The following ADD2 variants were observed in gnomAD, a reference collection of about 807,000 sequenced individuals.
The protein encoded by ADD2 is beta-adducin.
ADD2 carries 23 observed loss-of-function variants against 83.0 expected under a neutral mutation model. The observed-to-expected ratio is 0.28, with a 90% CI of 0.20 to 0.39. The LOEUF (loss-of-function observed/expected upper bound fraction) is 0.39, where lower values mean the gene tolerates loss of function less well. ADD2 is among the 10% of genes least tolerant of loss of function. The probability of loss-of-function intolerance (pLI) is 1.00; values close to 1 mark genes in which losing one functional copy is unlikely to be tolerated. For synonymous variants in ADD2, 375 were observed against 375.4 expected, an observed-to-expected ratio of 1.00 and a Z score of 0.01; for missense variants, 758 against 944.9, an observed-to-expected ratio of 0.80 and a Z score of 2.59.
At chr2:70,690,664 G>A (rs1558535110) in intron 8 of ADD2, 122 bp downstream of exon 8, 1 of 1,188,390 alleles carries the variant, frequency 8.4e-7, no homozygotes, top group Non-Finnish European at 1.2e-6. Flanking sequence ...GTGGGATAGA[G>A]ATCTTTCTTT....
At chr2:70,764,899 G>T (rs782473295) in intron 1 of ADD2, among the ~76,000 whole-genome samples, 1 of 152,030 alleles carries the variant, frequency 6.6e-6, no homozygotes, top group Non-Finnish European at 1.5e-5. Context: ...GAACCCCAGG[G>T]GGCTGAGAGA....
At chr2:70,766,398 C>A (rs563407330) in intron 1 of ADD2, among the ~76,000 whole-genome samples, 3 of 152,142 alleles carry the variant, frequency 2.0e-5, no homozygotes, top group Non-Finnish European at 4.4e-5. Flanking sequence ...AAAGTAGAAC[C>A]TTATAAAGTA....
chr2:70,704,263 T>TGCCCCCCCCCACCC, intron 4 of ADD2, 58 bp downstream of exon 4: 1 of 913,238 alleles, frequency 1.1e-6, no homozygotes, highest in East Asian at 2.9e-5. Context: ...CTCCCTCTCT[T>TGCCCCCCCCCACCC]CCCCACCCCA....
Position 70,692,555 on chromosome 2 carries a change from G to A in ADD2, c.556-3C>T. 1 of 1,595,104 alleles carries A rather than the reference G, an allele frequency of 6.3e-7. No individual in the cohort carries two copies. The highest frequency in any genetic ancestry group is 1.3e-5 in the African/African-American group (1 of 74,426). On this transcript the variant is annotated splice_polypyrimidine_tract_variant and splice_region_variant and intron_variant, in intron 6 of 15. Transcript: ENST00000264436. Reference sequence around the variant, plus strand: ...TCTCCCAGAATGTTCACCTTGATCTGCGCCAGGGAAGAAGAGAGACTTATG... The same window carrying A: ...TCTCCCAGAATGTTCACCTTGATCTACGCCAGGGAAGAAGAGAGACTTATG...
intron 1 of ADD2, among the ~76,000 whole-genome samples, chr2:70,724,341 C>T (rs1327745592): frequency 6.6e-6 from 1 of 152,206 alleles, no homozygotes; most frequent in Non-Finnish European, 1.5e-5. Context: ...GTGACCATTG[C>T]AGTACCTCTG....
At chr2:70,746,252 T>A (rs1364855320) in intron 1 of ADD2, among the ~76,000 whole-genome samples, 1 of 152,224 alleles carries the variant, frequency 6.6e-6, no homozygotes, top group African/African-American at 2.4e-5. Context: ...TTCTATGAGC[T>A]CTGAGGGCGC....
At chr2:70,767,853 G>A (rs1419812155) in intron 1 of ADD2, 33 bp downstream of exon 1, 3 of 1,534,500 alleles carry the variant, frequency 2.0e-6, no homozygotes, top group Non-Finnish European at 2.6e-6. Flanking sequence ...GCGACCCCAG[G>A]CAGCCCACCA....
At chr2:70,745,760 A>ATTT (rs1331008578) in intron 1 of ADD2, among the ~76,000 whole-genome samples, 7 of 152,340 alleles carry the variant, frequency 4.6e-5, no homozygotes, top group African/African-American at 1.4e-4. Context: ...TTTATGATTA[A>ATTT]TGAGTTTATA....
intron 15 of ADD2, among the ~76,000 whole-genome samples, chr2:70,670,027 T>C (rs1203739416): frequency 6.6e-6 from 1 of 152,150 alleles, no homozygotes. Context: ...TCCGCAGATA[T>C]CACATCAATT....
intron 4 of ADD2, 58 bp downstream of exon 4, chr2:70,704,263 T>TTGCCCCCCCCCCCCCCC: frequency 1.1e-6 from 1 of 913,238 alleles, no homozygotes. Context: ...CTCCCTCTCT[T>TTGCCCCCCCCCCCCCCC]CCCCACCCCA....
At chr2:70,671,241 G>A (rs1194823432) in intron 15 of ADD2, among the ~76,000 whole-genome samples, 2 of 152,178 alleles carry the variant, frequency 1.3e-5, no homozygotes, top group African/African-American at 4.8e-5. Flanking sequence ...AGAGCCGTAA[G>A]CACTCTACCA....
chr2:70,760,366 T>C (rs1553384632), intron 1 of ADD2, among the ~76,000 whole-genome samples: 1 of 152,186 alleles, frequency 6.6e-6, no homozygotes, highest in African/African-American at 2.4e-5. Context: ...TTCTTGGCTG[T>C]GCTGGATTCC....
intron 8 of ADD2, 105 bp downstream of exon 8, chr2:70,690,681 C>T: frequency 2.2e-5 from 28 of 1,281,594 alleles, no homozygotes; most frequent in Non-Finnish European, 2.5e-5. Flanking sequence ...CTTTTTTTTC[C>T]CCCCTCTCTC....
At chr2:70,704,194 C>G in intron 4 of ADD2, 127 bp downstream of exon 4, 1 of 1,281,556 alleles carries the variant, frequency 7.8e-7, no homozygotes, top group African/African-American at 1.5e-5. Flanking sequence ...TCCCCAAGGC[C>G]TGATAACACA....
intron 8 of ADD2, among the ~76,000 whole-genome samples, chr2:70,689,829 AT>A (rs1201145984): frequency 6.6e-6 from 1 of 152,092 alleles, no homozygotes; most frequent in Non-Finnish European, 1.5e-5. Context: ...ACAAGATTCC[AT>A]TTTTCTCTTG....
chr2:70,767,862 C>T (rs1553386447), intron 1 of ADD2, 24 bp downstream of exon 1: 1 of 1,535,582 alleles, frequency 6.5e-7, no homozygotes, highest in Admixed American at 2.0e-5. Context: ...GGCAGCCCAC[C>T]AGGCCCGCTC....
At chr2:70,726,186 C>CAAA (rs34333514) in intron 1 of ADD2, among the ~76,000 whole-genome samples, 1,732 of 45,410 alleles carry the variant, frequency 0.038, 395 homozygotes, top group African/African-American at 0.12. Flanking sequence ...GACTCCATCT[C>CAAA]AAAAAAAAAA....
chr2:70,677,713 C>T (rs782205659), intron 12 of ADD2, 45 bp downstream of exon 12: 1 of 1,602,200 alleles, frequency 6.2e-7, no homozygotes, highest in Non-Finnish European at 8.5e-7. Flanking sequence ...CCTGAGACCC[C>T]CCAGTGTGGG....
At chr2:70,677,587 G>A (rs1574228456) in intron 12 of ADD2, among the ~76,000 whole-genome samples, 171 bp downstream of exon 12, 1 of 152,320 alleles carries the variant, frequency 6.6e-6, no homozygotes, top group East Asian at 1.9e-4. Context: ...CAGGAGTACA[G>A]CGCTTAGCAC....
Sources: gnomAD v4.1 joint callset for allele counts (sites outside exome capture counted in the v4.1 genomes callset) on GRCh38, gnomAD v4.1.1 for gene constraint, MANE v1.5 for transcripts, NCBI Gene and HGNC (gene_info 2026-07-23, HGNC 2026-07-21) for gene names.